Variants in TNFRSF19 observed in about 807,000 individuals in gnomAD.
TNFRSF19 encodes TNF receptor superfamily member 19, also known as tumor necrosis factor receptor superfamily member 19.
In TNFRSF19, 27 loss-of-function variants were observed where a neutral mutation model predicts 46.4. The ratio of observed to expected loss-of-function variants is 0.58; its 90% CI spans 0.43 to 0.80. The LOEUF is 0.80. Among genes scored for constraint, TNFRSF19 ranks in the 30% least tolerant of loss-of-function variants. The pLI is 0.00. For synonymous variants in TNFRSF19, 204 were observed against 205.0 expected, an observed-to-expected ratio of 1.00 and a Z score of 0.04; for missense variants, 511 against 530.8, an observed-to-expected ratio of 0.96 and a Z score of 0.37.
chr13:23,607,771 T>C (rs927230724), intron 3 of TNFRSF19, among the ~76,000 whole-genome samples: 2 of 152,250 alleles, frequency 1.3e-5, no homozygotes, highest in African/African-American at 4.8e-5. Flanking sequence ...TTTTCTGTCC[T>C]CCAGTCCATC....
intron 5 of TNFRSF19, among the ~76,000 whole-genome samples, chr13:23,645,667 C>G (rs1426386526): frequency 6.6e-6 from 1 of 152,194 alleles, no homozygotes; most frequent in Non-Finnish European, 1.5e-5. Flanking sequence ...TACCTGCATT[C>G]TGCCCTGGGT....
chr13:23,586,414 A>G (rs1878844319), intron 1 of TNFRSF19, among the ~76,000 whole-genome samples: 1 of 152,238 alleles, frequency 6.6e-6, no homozygotes, highest in Admixed American at 6.5e-5. Flanking sequence ...AGGGGATTCC[A>G]GAAGACCTGT....
rs1241153551 is a variant in TNFRSF19, at chr13:23,672,299, C to T, written c.1246-1073C>T. Reference sequence around the variant, plus strand: ...GGGAACAAAACTGAGATATTTGGAACATTTTTTGCTGAGATATTTGAGAGA... The same window carrying T: ...GGGAACAAAACTGAGATATTTGGAATATTTTTTGCTGAGATATTTGAGAGA... On this transcript the variant is annotated intron_variant, in intron 9 of 9. Transcript: ENST00000248484. 2.6e-5 allele frequency among the ~76,000 whole-genome samples: 4 copies of T among 152,152 alleles called. No individual in the cohort carries two copies. The East Asian group carries it at 5.8e-4, about 22-fold the overall frequency.
At chr13:23,576,494 C>T (rs138036232) in intron 1 of TNFRSF19, among the ~76,000 whole-genome samples, 1 of 152,234 alleles carries the variant, frequency 6.6e-6, no homozygotes, top group African/African-American at 2.4e-5. Flanking sequence ...TGTTCAGACA[C>T]TGTCTCCAAA....
At chr13:23,607,870 G>A (rs1204843017) in intron 3 of TNFRSF19, among the ~76,000 whole-genome samples, 1 of 152,144 alleles carries the variant, frequency 6.6e-6, no homozygotes, top group Non-Finnish European at 1.5e-5. Flanking sequence ...AAGTGCTTTG[G>A]TTAAGCAGGT....
At chr13:23,658,397 C>A (rs1566218282) in intron 5 of TNFRSF19, among the ~76,000 whole-genome samples, 1 of 152,192 alleles carries the variant, frequency 6.6e-6, no homozygotes, top group Non-Finnish European at 1.5e-5. Context: ...AACCACAAAG[C>A]AGTACTGCCC....
chr13:23,580,034 TC>T (rs1212277374), intron 1 of TNFRSF19, among the ~76,000 whole-genome samples: 1 of 152,120 alleles, frequency 6.6e-6, no homozygotes, highest in Non-Finnish European at 1.5e-5. Context: ...GGGAAAGAGT[TC>T]CTTAGAGTTC....
intron 3 of TNFRSF19, among the ~76,000 whole-genome samples, chr13:23,595,187 C>T (rs1593240932): frequency 6.6e-6 from 1 of 152,072 alleles, no homozygotes; most frequent in Non-Finnish European, 1.5e-5. Flanking sequence ...TTCCAAAAAC[C>T]AGAACATCTC....
chr13:23,626,507 A>C (rs1453336946), intron 4 of TNFRSF19, among the ~76,000 whole-genome samples, 200 bp from the exon 5 acceptor site: 1 of 151,886 alleles, frequency 6.6e-6, no homozygotes, highest in Admixed American at 6.6e-5. Flanking sequence ...AAGCATCTGC[A>C]AAGTTACGTT....
chr13:23,629,086 C>CT (rs11389906), intron 5 of TNFRSF19, among the ~76,000 whole-genome samples: 46,498 of 142,420 alleles, frequency 0.33, 7,521 homozygotes, highest in South Asian at 0.43. Context: ...CCACTTTGGG[C>CT]TTTTTTTTTT....
chr13:23,591,404 G>A (rs974563164), intron 2 of TNFRSF19, among the ~76,000 whole-genome samples: 3 of 152,104 alleles, frequency 2.0e-5, no homozygotes, highest in African/African-American at 4.8e-5. Context: ...AGTGAGCTGA[G>A]ATCACGCCAC....
chr13:23,628,304 A>G (rs1489359692), intron 5 of TNFRSF19, among the ~76,000 whole-genome samples: 1 of 152,192 alleles, frequency 6.6e-6, no homozygotes, highest in African/African-American at 2.4e-5. Flanking sequence ...AATATTAATC[A>G]CTTAAAGAAA....
intron 4 of TNFRSF19, among the ~76,000 whole-genome samples, chr13:23,621,640 C>T (rs1881660361): frequency 6.6e-6 from 1 of 152,170 alleles, no homozygotes; most frequent in Non-Finnish European, 1.5e-5. Context: ...TTTTCAAACA[C>T]TGTGTTCATT....
intron 3 of TNFRSF19, among the ~76,000 whole-genome samples, chr13:23,600,401 G>A (rs1880050112): frequency 6.6e-6 from 1 of 152,128 alleles, no homozygotes; most frequent in Non-Finnish European, 1.5e-5. Flanking sequence ...TGTAGCCTAG[G>A]TTTGGAAAAG....
At chr13:23,663,902 T>G (rs1213622557) in intron 7 of TNFRSF19, among the ~76,000 whole-genome samples, 1 of 152,194 alleles carries the variant, frequency 6.6e-6, no homozygotes, top group Non-Finnish European at 1.5e-5. Context: ...TTCTCTCTTA[T>G]TAGTCCAGTT....
intron 3 of TNFRSF19, among the ~76,000 whole-genome samples, chr13:23,615,212 C>G (rs1191346706): frequency 6.6e-6 from 1 of 152,092 alleles, no homozygotes; most frequent in Non-Finnish European, 1.5e-5. Context: ...GTCAGAGAGC[C>G]ATTTGTTTTG....
intron 5 of TNFRSF19, among the ~76,000 whole-genome samples, chr13:23,635,999 G>A (rs979184849): frequency 3.3e-5 from 5 of 152,218 alleles, no homozygotes; most frequent in African/African-American, 1.2e-4. Context: ...CCTCCCATAA[G>A]GAAAGTGACT....
intron 5 of TNFRSF19, among the ~76,000 whole-genome samples, chr13:23,627,997 A>T (rs1260768420): frequency 6.6e-6 from 1 of 151,858 alleles, no homozygotes; most frequent in Non-Finnish European, 1.5e-5. Context: ...TCACCAAATA[A>T]TTCATTGCAA....
At chr13:23,662,212 A>G (rs1333706395) in intron 7 of TNFRSF19, among the ~76,000 whole-genome samples, 2 of 152,242 alleles carry the variant, frequency 1.3e-5, no homozygotes, top group African/African-American at 4.8e-5. Flanking sequence ...ATTTTTGTAT[A>G]TGGTGTAAAG....
Sources: allele counts gnomAD v4.1 joint callset (sites outside exome capture counted in the v4.1 genomes callset), GRCh38; gene constraint gnomAD v4.1.1; transcripts MANE v1.5; gene names NCBI Gene and HGNC (gene_info 2026-07-23, HGNC 2026-07-21).